The following LMBRD2 variants were observed in gnomAD, a reference collection of about 807,000 sequenced individuals.
The protein encoded by LMBRD2 is LMBR1 domain containing 2, also known as G protein-coupled receptor-associated protein LMBRD2.
A neutral mutation model predicts 94.4 loss-of-function variants in LMBRD2; 55 were observed. The observed-to-expected ratio is 0.58, with a 90% CI of 0.47 to 0.73. The LOEUF (loss-of-function observed/expected upper bound fraction) is 0.73, where lower values mean the gene tolerates loss of function less well. Ranked by LOEUF, LMBRD2 falls within the 30% of genes least tolerant of loss-of-function variation. The pLI, the probability that LMBRD2 is intolerant of heterozygous loss-of-function variation, is 0.00. For missense variants in LMBRD2, 640 were observed against 831.9 expected (o/e 0.77, Z 2.84); for synonymous variants, 246 against 272.4 (o/e 0.90, Z 0.95).
chr5:36,131,993 G>A (rs568828771), intron 6 of LMBRD2, among the ~76,000 whole-genome samples: 1 of 152,178 alleles, frequency 6.6e-6, no homozygotes, highest in Admixed American at 6.5e-5. Context: ...AACCACAAAA[G>A]AGCCTCAACT....
At chr5:36,121,543 A>G (rs1468176309) in intron 9 of LMBRD2, among the ~76,000 whole-genome samples, 1 of 152,240 alleles carries the variant, frequency 6.6e-6, no homozygotes, top group African/African-American at 2.4e-5. Context: ...ACTACAAAGT[A>G]TAGGTTTTAT....
At position 36,141,424 on chromosome 5, in the gene LMBRD2, T is replaced by C. The variant is rs535680717; in HGVS notation, c.273-222A>G. Among the ~76,000 whole-genome samples, 454 of 152,334 alleles carry C rather than the reference T, an allele frequency of 3.0e-3. 3 individuals carry two copies. Among genetic ancestry groups the C allele is most frequent in the Non-Finnish European group, 4.6e-3 (316 of 68,016 alleles). ...AAAATAGATTGTTCTGAAAATGTCA[T>C]TTAAGTTTTCAACTTTCAGTGTATT... is the stretch of plus-strand genomic sequence containing the variant. On this transcript the variant is annotated intron_variant, in intron 3 of 17. Transcript: ENST00000296603.
At chr5:36,135,168 A>C (rs1744241154) in intron 6 of LMBRD2, among the ~76,000 whole-genome samples, 1 of 152,162 alleles carries the variant, frequency 6.6e-6, no homozygotes, top group Non-Finnish European at 1.5e-5. Context: ...GTCCCTGTTT[A>C]AGGCAAGACT....
At chr5:36,126,690 A>C (rs1744015019) in intron 6 of LMBRD2, among the ~76,000 whole-genome samples, 1 of 152,240 alleles carries the variant, frequency 6.6e-6, no homozygotes, top group South Asian at 2.1e-4. Context: ...GCTTCAAAGA[A>C]AGGTAATAGA....
chr5:36,115,743 G>C (rs1400330610), intron 11 of LMBRD2, among the ~76,000 whole-genome samples: 1 of 149,880 alleles, frequency 6.7e-6, no homozygotes, highest in African/African-American at 2.5e-5. Context: ...CACGAATGAA[G>C]GATAAAAAAT....
In LMBRD2 at chr5:36,124,223, A is replaced by G. The variant is rs377023023; in HGVS notation, c.790T>C (p.Leu264=). 1 of 1,590,570 alleles carries G rather than the reference A, an allele frequency of 6.3e-7. No individual in the cohort carries two copies. Among genetic ancestry groups the G allele is most frequent in the African/African-American group, 1.3e-5 (1 of 74,546 alleles). Residue 264 remains leucine (L), a synonymous_variant, in exon 7 of 18, where the codon TTG becomes CTG. Coordinates refer to ENST00000296603, the MANE Select transcript of LMBRD2 (RefSeq NM_001007527.2). The part of the protein sequence containing the change: ...VNESIKYNHP[L]RKCVDTILKK... Reference sequence around the variant, plus strand: ...AGTATTGTATCAACACATTTTCTCAATGGGTGATTATACTTGATGCTTTCA... The same window carrying G: ...AGTATTGTATCAACACATTTTCTCAGTGGGTGATTATACTTGATGCTTTCA...
In LMBRD2 at chr5:36,135,819, T is replaced by C. The variant is rs142883166; in HGVS notation, c.747+490A>G. 2.4e-3 allele frequency among the ~76,000 whole-genome samples: 364 copies of C among 152,302 alleles called. 3 individuals carry two copies. Among genetic ancestry groups the C allele is most frequent in the African/African-American group, 8.2e-3 (340 of 41,566 alleles). On this transcript the variant is annotated intron_variant, in intron 6 of 17. Coordinates refer to ENST00000296603, the MANE Select transcript of LMBRD2 (RefSeq NM_001007527.2). ...AACTAGGTTAAGTCATCAAGTAAAA[T>C]GAAGTGTCTTATTAAGATTACAGAT...
At chr5:36,136,744 T>G (rs1444981524) in intron 5 of LMBRD2, among the ~76,000 whole-genome samples, 2 of 152,188 alleles carry the variant, frequency 1.3e-5, no homozygotes, top group Admixed American at 1.3e-4. Flanking sequence ...TGTTTCAAAT[T>G]AACCTGTGTT....
chr5:36,109,741 A>G (rs1000161397), intron 15 of LMBRD2, among the ~76,000 whole-genome samples: 1 of 152,118 alleles, frequency 6.6e-6, no homozygotes. Flanking sequence ...GAAATTTATT[A>G]CTAATGACTT....
At chr5:36,142,068 A>G (rs1289202572) in intron 3 of LMBRD2, among the ~76,000 whole-genome samples, 1 of 152,216 alleles carries the variant, frequency 6.6e-6, no homozygotes, top group Non-Finnish European at 1.5e-5. Flanking sequence ...ATGTAAATCT[A>G]TAATGCTTTT....
rs547184922 is a variant in LMBRD2 at position 36,098,816 on chromosome 5, A to G, written c.*5230T>C. The G allele has an allele frequency of 2.6e-5, 4 of 151,282 alleles. No homozygotes were observed. The highest frequency in any genetic ancestry group is 5.9e-5 in the Non-Finnish European group (4 of 67,950). 9.4% of individuals were successfully genotyped at this position (151,282 alleles called of 1,614,324 possible). A position where few individuals can be genotyped will look rare whatever the true frequency, so the allele number is the denominator to read the frequency against. On this transcript the variant is annotated 3_prime_UTR_variant, in exon 18 of 18. Transcript: ENST00000296603. ...ATTTGAAAATGTAGTGAGAATCTAC[A>G]GAGAAAAAAAATAGTTTAATCTACA...
At chr5:36,108,750 A>G (rs2111844763) in intron 15 of LMBRD2, 111 bp from the exon 16 acceptor site, 1 of 449,262 alleles carries the variant, frequency 2.2e-6, no homozygotes, top group South Asian at 6.3e-5. Flanking sequence ...TTAGTAATCA[A>G]TATAATTATC....
In LMBRD2 at chr5:36,142,491, A is replaced by T; in HGVS notation, c.272+11T>A. ...ACAATGTTTATATATTTTTTTTAAA[A>T]AAGGAAATACCTTGGAACAGGGTTA... On this transcript the variant is annotated intron_variant, in intron 3 of 17. Transcript: ENST00000296603. 1.3e-6 allele frequency: 2 copies of T among 1,512,164 alleles called. No individual in the cohort carries two copies. The highest frequency in any genetic ancestry group is 1.8e-6 in the Non-Finnish European group (2 of 1,091,804). 93.7% of individuals were successfully genotyped at this position (1,512,164 alleles called of 1,614,324 possible). A position where few individuals can be genotyped will look rare whatever the true frequency, so the allele number is the denominator to read the frequency against.
intron 6 of LMBRD2, among the ~76,000 whole-genome samples, chr5:36,130,078 C>A (rs913482077): frequency 6.6e-6 from 1 of 152,008 alleles, no homozygotes; most frequent in Non-Finnish European, 1.5e-5. Flanking sequence ...AGGAGATATA[C>A]CTAATGTAAA....
chr5:36,147,555 T>TATGTTTAAAAATTTAAA, intron 1 of LMBRD2, among the ~76,000 whole-genome samples: 1 of 152,308 alleles, frequency 6.6e-6, no homozygotes, highest in Admixed American at 6.5e-5. Context: ...CTGAAAGTCT[T>TATGTTTAAAAATTTAAA]AAACATTTAA....
Position 36,136,379 on chromosome 5 carries a change from G to A in LMBRD2, c.677C>T (p.Thr226Met), listed in dbSNP as rs747610616. ...CATCAGTTTGGCTGCCTTAAAATAC[G>A]TTTTCATAAGTAGATAACCCCTTTT... ...GAKRGYLLMK[T>M]YFKAAKLMTE... Residue 226 changes from threonine to methionine, a missense_variant, in exon 6 of 18, where the codon ACG becomes ATG. Transcript: ENST00000296603. The A allele has an allele frequency of 1.7e-5, 27 of 1,613,852 alleles. No individual in the cohort carries two copies. The highest frequency in any genetic ancestry group is 8.3e-5 in the Admixed American group (5 of 59,994).
chr5:36,126,215 G>A (rs1744003812), intron 6 of LMBRD2, among the ~76,000 whole-genome samples: 1 of 152,096 alleles, frequency 6.6e-6, no homozygotes, highest in Non-Finnish European at 1.5e-5. Context: ...TTCTTGACTT[G>A]TTAGCACAAA....
At chr5:36,127,297 T>A (rs1355284337) in intron 6 of LMBRD2, among the ~76,000 whole-genome samples, 1 of 152,166 alleles carries the variant, frequency 6.6e-6, no homozygotes, top group Non-Finnish European at 1.5e-5. Flanking sequence ...CCAGAGAAAT[T>A]CATACACAGG....
chr5:36,146,549 A>T (rs1196150741), intron 1 of LMBRD2, among the ~76,000 whole-genome samples: 2 of 151,858 alleles, frequency 1.3e-5, no homozygotes, highest in African/African-American at 4.9e-5. Context: ...TTAAAAAAAA[A>T]TTTTTTTTGT....
Sources: allele counts gnomAD v4.1 joint callset (sites outside exome capture counted in the v4.1 genomes callset), GRCh38; gene constraint gnomAD v4.1.1; transcripts MANE v1.5; gene names NCBI Gene and HGNC (gene_info 2026-07-23, HGNC 2026-07-21).